Variants in MAL observed in about 807,000 individuals in gnomAD.
The protein encoded by MAL is mal, T cell differentiation protein (MAL blood group).
MAL carries 5 observed loss-of-function variants against 16.7 expected under a neutral mutation model. The observed-to-expected ratio is 0.30, with a 90% CI of 0.16 to 0.63. MAL has a LOEUF of 0.63. MAL is among the 30% of genes least tolerant of loss of function. The pLI is 0.82. For synonymous variants in MAL, 96 were observed against 85.5 expected, an observed-to-expected ratio of 1.12 and a Z score of -0.67; for missense variants, 202 against 195.8, an observed-to-expected ratio of 1.03 and a Z score of -0.19.
intron 1 of MAL, among the ~76,000 whole-genome samples, chr2:95,035,831 G>A (rs1440655850): frequency 2.0e-5 from 3 of 151,828 alleles, no homozygotes; most frequent in Admixed American, 6.6e-5. Context: ...CACCACACCC[G>A]GCTAATTTTT....
chr2:95,053,543 C>A lies in MAL; in HGVS notation c.*88C>A. On this transcript the variant is annotated 3_prime_UTR_variant, in exon 4 of 4. Coordinates refer to ENST00000309988, the MANE Select transcript of MAL (RefSeq NM_002371.4). Reference sequence around the variant, plus strand: ...ATAACTTTTTAGAAAACAGAAATGCCCTTGATGGTGGAAAAAAGAAAACAA... The same window carrying A: ...ATAACTTTTTAGAAAACAGAAATGCACTTGATGGTGGAAAAAAGAAAACAA... The A allele has an allele frequency of 9.5e-7, 1 of 1,050,700 alleles. No homozygotes were observed. Among genetic ancestry groups the A allele is most frequent in the Non-Finnish European group, 1.5e-6 (1 of 684,890 alleles). 65.1% of individuals were successfully genotyped at this position (1,050,700 alleles called of 1,614,324 possible). A position where few individuals can be genotyped will look rare whatever the true frequency, so the allele number is the denominator to read the frequency against.
At chr2:95,052,875 T>A (rs1388230214) in intron 3 of MAL, among the ~76,000 whole-genome samples, 1 of 152,028 alleles carries the variant, frequency 6.6e-6, no homozygotes, top group Non-Finnish European at 1.5e-5. Context: ...ATATTAAGAA[T>A]CCTAAAACAA....
Position 95,053,845 on chromosome 2 carries a change from C to T in MAL, c.*390C>T, listed in dbSNP as rs1441861826. 2.5e-5 allele frequency: 5 copies of T among 203,910 alleles called. No homozygotes were observed. The highest frequency in any genetic ancestry group is 1.1e-4 in the East Asian group (1 of 8,940). 12.6% of individuals were successfully genotyped at this position (203,910 alleles called of 1,614,324 possible). ...TGTTGGTATTGTCCACAAGCTCTCC[C>T]GAGCGCCCCATCTTGTGCCATGTTT... On this transcript the variant is annotated 3_prime_UTR_variant, in exon 4 of 4. Coordinates refer to ENST00000309988, the MANE Select transcript of MAL (RefSeq NM_002371.4).
At chr2:95,036,941 CTGAG>C (rs1163228825) in intron 1 of MAL, among the ~76,000 whole-genome samples, 2 of 97,302 alleles carry the variant, frequency 2.1e-5, no homozygotes, top group African/African-American at 4.1e-5. Flanking sequence ...AGGTGAGTGA[CTGAG>C]TGAGTGACTG....
intron 1 of MAL, among the ~76,000 whole-genome samples, chr2:95,034,174 A>G (rs1235704436): frequency 6.6e-6 from 1 of 152,146 alleles, no homozygotes; most frequent in African/African-American, 2.4e-5. Context: ...TGTGGAGGGC[A>G]CACTTGACTT....
rs200135924 is a variant in MAL, at chr2:95,049,640, C to T, written c.321C>T (p.Ala107=). ...ACCTCAGCGCCTCAGTCCTGGAGGC[C>T]CTGGCCACCATCACGATGCAAGACG... The part of the protein sequence containing the change: ...LFYLSASVLE[A]LATITMQDGF... Residue 107 remains alanine, a synonymous_variant, in exon 3 of 4, where the codon GCC becomes GCT. Transcript: ENST00000309988. The T allele has an allele frequency of 6.2e-7, 1 of 1,614,222 alleles. No homozygotes were observed. The highest frequency in any genetic ancestry group is 8.5e-7 in the Non-Finnish European group (1 of 1,180,032).
At chr2:95,038,480 C>T (rs1279427692) in intron 1 of MAL, among the ~76,000 whole-genome samples, 3 of 67,792 alleles carry the variant, frequency 4.4e-5, no homozygotes, top group Non-Finnish European at 9.6e-5. Context: ...GAGTGAGTGA[C>T]TGAGTGAGTG....
chr2:95,049,286 C>A (rs1674660465), intron 2 of MAL, among the ~76,000 whole-genome samples: 1 of 152,216 alleles, frequency 6.6e-6, no homozygotes, highest in African/African-American at 2.4e-5. Flanking sequence ...AGATCCAGGA[C>A]CAGCTTTTCC....
intron 1 of MAL, among the ~76,000 whole-genome samples, chr2:95,037,892 G>A (rs556164181): frequency 2.8e-4 from 42 of 150,846 alleles, no homozygotes; most frequent in African/African-American, 9.5e-4. Context: ...GAGTGACCGA[G>A]TGGGTGAGTG....
chr2:95,053,323 ACG>A, intron 3 of MAL, 56 bp from the exon 4 acceptor site: 1 of 1,189,198 alleles, frequency 8.4e-7, no homozygotes, highest in Admixed American at 1.7e-5. Flanking sequence ...TGCAGTGCAG[ACG>A]CTGTGCCTCG....
At chr2:95,049,844 G>A (rs1337585124) in intron 3 of MAL, 138 bp downstream of exon 3, 2 of 1,284,154 alleles carry the variant, frequency 1.6e-6, no homozygotes, top group Non-Finnish European at 2.1e-6. Flanking sequence ...CTTCATGCCT[G>A]GAGCAGGAAA....
chr2:95,032,451 C>G (rs1674106351), intron 1 of MAL, among the ~76,000 whole-genome samples: 1 of 152,226 alleles, frequency 6.6e-6, no homozygotes, highest in Non-Finnish European at 1.5e-5. Flanking sequence ...GGGCTTCCTC[C>G]TGGCCCCTCC....
intron 1 of MAL, chr2:95,044,552 G>A (rs1329371577): frequency 6.6e-6 from 1 of 152,180 alleles, no homozygotes; most frequent in African/African-American, 2.4e-5. Context: ...GATGCCCCCA[G>A]AGGCTGGGTG....
chr2:95,036,514 G>A (rs763805924), intron 1 of MAL, among the ~76,000 whole-genome samples: 2 of 152,222 alleles, frequency 1.3e-5, no homozygotes, highest in African/African-American at 2.4e-5. Context: ...GATGGGCTAC[G>A]TTCATTAAAG....
intron 1 of MAL, chr2:95,044,744 G>C (rs1208239561): frequency 6.6e-6 from 1 of 152,268 alleles, no homozygotes; most frequent in Non-Finnish European, 1.5e-5. Context: ...CACTGGAACA[G>C]GGCAGAGTCT....
chr2:95,034,949 T>A (rs1674170554), intron 1 of MAL, among the ~76,000 whole-genome samples: 1 of 152,148 alleles, frequency 6.6e-6, no homozygotes, highest in African/African-American at 2.4e-5. Flanking sequence ...CTGGCACAGA[T>A]CAAGAACTCT....
intron 1 of MAL, chr2:95,026,363 C>A (rs1673937440): frequency 6.5e-6 from 1 of 152,800 alleles, no homozygotes; most frequent in Admixed American, 6.5e-5. Flanking sequence ...TGAGAGGGAG[C>A]TGAATCCGGT....
rs1180346694 is a variant in MAL, at chr2:95,053,534, CAG to C, written c.*81_*82del. On this transcript the variant is annotated 3_prime_UTR_variant, in exon 4 of 4. Coordinates refer to ENST00000309988, the MANE Select transcript of MAL (RefSeq NM_002371.4). ...CTTTCCGGCATAACTTTTTAGAAAA[CAG>C]AAATGCCCTTGATGGTGGAAAAAAG... 32 of 1,124,746 alleles carry C rather than the reference CAG, an allele frequency of 2.8e-5. No homozygotes were observed. In the Middle Eastern group the frequency reaches 1.1e-3, roughly 38 times the overall value. 69.7% of individuals were successfully genotyped at this position (1,124,746 alleles called of 1,614,324 possible).
chr2:95,052,236 G>A (rs575996898), intron 3 of MAL, among the ~76,000 whole-genome samples: 75 of 152,308 alleles, frequency 4.9e-4, no homozygotes, highest in African/African-American at 1.6e-3. Flanking sequence ...TTGCCCATTC[G>A]TGCCCAGCTC....
Sources: gnomAD v4.1 joint callset for allele counts (sites outside exome capture counted in the v4.1 genomes callset) on GRCh38, gnomAD v4.1.1 for gene constraint, MANE v1.5 for transcripts, NCBI Gene and HGNC (gene_info 2026-07-23, HGNC 2026-07-21) for gene names.